The following SYCP3 variants were observed in gnomAD, a reference collection of about 807,000 sequenced individuals.
SYCP3 encodes the protein synaptonemal complex protein 3.
SYCP3 carries 29 observed loss-of-function variants against 38.5 expected under a neutral mutation model. The ratio of observed to expected loss-of-function variants is 0.75; its 90% confidence interval spans 0.56 to 1.03. The LOEUF is 1.03. SYCP3 is among the 50% of genes least tolerant of loss of function. The pLI, the probability that SYCP3 is intolerant of heterozygous loss-of-function variation, is 0.00. For missense variants in SYCP3, 242 were observed against 270.7 expected, an observed-to-expected ratio of 0.89 and a Z score of 0.74; for synonymous variants, 79 against 80.3, an observed-to-expected ratio of 0.98 and a Z score of 0.08.
At chr12:101,732,635 G>C (rs1952232900) in intron 6 of SYCP3, 1 of 150,900 alleles carries the variant, frequency 6.6e-6, no homozygotes, top group Admixed American at 6.6e-5. Context: ...TGTAACACTG[G>C]ATTATTTTTC....
At chr12:101,733,042 T>C (rs1952252593) in intron 6 of SYCP3, 1 of 155,376 alleles carries the variant, frequency 6.4e-6, no homozygotes, top group Non-Finnish European at 1.4e-5. Context: ...GAGGGCTAAC[T>C]ATACAATGAT....
chr12:101,729,414 A>G, intron 7 of SYCP3: 1 of 564,924 alleles, frequency 1.8e-6, no homozygotes. Flanking sequence ...AAAATGTTAT[A>G]GGAAGTACAA....
chr12:101,737,735 G>T, intron 2 of SYCP3, 68 bp downstream of exon 2: 1 of 1,605,268 alleles, frequency 6.2e-7, no homozygotes, highest in South Asian at 1.1e-5. Flanking sequence ...TAAGTTGTAC[G>T]ATAGTCTCAA....
Position 101,739,400 on chromosome 12 carries a change from G to C in SYCP3, c.-67C>G, listed in dbSNP as rs1219287680. ...GACCAGTTACTGGTCGTCGACAGGCGTCCTCCACAACTCCTCCACAAGCGC... is the reference window on the plus strand; with the variant it reads ...GACCAGTTACTGGTCGTCGACAGGCCTCCTCCACAACTCCTCCACAAGCGC... On this transcript the variant is annotated 5_prime_UTR_variant, in exon 1 of 9. Transcript: ENST00000392924. 19 of 1,002,702 alleles carry C rather than the reference G, an allele frequency of 1.9e-5. No individual in the cohort carries two copies. The South Asian group carries it at 5.6e-4, about 30-fold the overall frequency. 62.1% of individuals were successfully genotyped at this position (1,002,702 alleles called of 1,614,324 possible).
intron 6 of SYCP3, chr12:101,731,951 G>T: frequency 3.8e-6 from 1 of 262,526 alleles, no homozygotes; most frequent in Non-Finnish European, 7.3e-6. Flanking sequence ...AATAATAATG[G>T]TTTTCCGTTT....
At chr12:101,737,380 A>C in intron 2 of SYCP3, 82 bp from the exon 3 acceptor site, 1 of 1,322,266 alleles carries the variant, frequency 7.6e-7, no homozygotes, top group Non-Finnish European at 1.1e-6. Context: ...AAACATCTTC[A>C]TTTGGGGATT....
chr12:101,728,918 A>G lies in SYCP3; in HGVS notation c.*9T>C. Reference sequence around the variant, plus strand: ...TTACTTAGGTTCAAGTTCTTTCTTCAAAGAGTCATCAGAATAACATGGATT... The same window carrying G: ...TTACTTAGGTTCAAGTTCTTTCTTCGAAGAGTCATCAGAATAACATGGATT... On this transcript the variant is annotated 3_prime_UTR_variant, in exon 9 of 9. Coordinates refer to ENST00000392924, the MANE Select transcript of SYCP3 (RefSeq NM_001177949.2). 1 of 1,613,482 alleles carries G rather than the reference A, an allele frequency of 6.2e-7. No individual in the cohort carries two copies. The highest frequency in any genetic ancestry group is 8.5e-7 in the Non-Finnish European group (1 of 1,179,650).
In SYCP3 at chr12:101,739,323, G is replaced by A. The variant is rs976990058; in HGVS notation, c.-18+28C>T. On this transcript the variant is annotated intron_variant, in intron 1 of 8. Transcript: ENST00000392924. The stretch of plus-strand genomic sequence containing the variant: ...GGCAGCCTCTGGCCTGGACACCTGC[G>A]ATAGACAGACGCCTCCCCTGCTCAC... 5 of 1,002,654 alleles carry A rather than the reference G, an allele frequency of 5.0e-6. No individual in the cohort carries two copies. The African/African-American group carries it at 8.7e-5, about 17-fold the overall frequency. The allele number at this position is 1,002,654 out of a possible 1,614,324, so 62.1% of individuals were successfully genotyped here.
intron 5 of SYCP3, among the ~76,000 whole-genome samples, chr12:101,734,186 G>C (rs1201138596): frequency 6.6e-6 from 1 of 152,120 alleles, no homozygotes; most frequent in Non-Finnish European, 1.5e-5. Context: ...CTACATTGTT[G>C]AACATAATTC....
At chr12:101,729,526 C>A (rs781508380) in intron 7 of SYCP3, 1 of 253,244 alleles carries the variant, frequency 3.9e-6, no homozygotes, top group Non-Finnish European at 7.5e-6. Context: ...TTAAGCTTTC[C>A]AAATATCAAG....
intron 6 of SYCP3, 133 bp from the exon 7 acceptor site, chr12:101,731,799 T>C (rs541812883): frequency 4.1e-5 from 25 of 611,182 alleles, no homozygotes; most frequent in Admixed American, 2.5e-4. Context: ...ACAACTATTA[T>C]GACCACATTT....
intron 2 of SYCP3, chr12:101,737,508 C>G: frequency 1.5e-6 from 1 of 653,154 alleles, no homozygotes; most frequent in South Asian, 2.0e-5. Flanking sequence ...TTTTTCAAGT[C>G]TCCCTGGGTT....
intron 7 of SYCP3, chr12:101,730,427 C>A (rs1952134976): frequency 2.5e-6 from 1 of 407,306 alleles, no homozygotes; most frequent in Non-Finnish European, 4.7e-6. Context: ...GTTCTCAGAG[C>A]ATTGGAACAA....
Position 101,728,996 on chromosome 12 carries a change from A to C in SYCP3, c.658-16T>G. 1 of 1,613,506 alleles carries C rather than the reference A, an allele frequency of 6.2e-7. No homozygotes were observed. The stretch of plus-strand genomic sequence containing the variant: ...CTTGCTGCTGCTGTTTCATGGAAGG[A>C]GATATTAAACATTTGTTTAATTTTT... On this transcript the variant is annotated splice_polypyrimidine_tract_variant and intron_variant, in intron 8 of 8. Coordinates refer to ENST00000392924, the MANE Select transcript of SYCP3 (RefSeq NM_001177949.2).
intron 6 of SYCP3, chr12:101,732,409 A>G (rs1952224807): frequency 1.3e-5 from 2 of 152,194 alleles, no homozygotes; most frequent in Admixed American, 1.3e-4. Flanking sequence ...CTGGCCATTA[A>G]AAGTCAACAA....
chr12:101,738,893 C>T (rs1227473459), intron 1 of SYCP3, among the ~76,000 whole-genome samples: 1 of 152,230 alleles, frequency 6.6e-6, no homozygotes, highest in Non-Finnish European at 1.5e-5. Flanking sequence ...CGCTCAGTCA[C>T]GCGGGGAAAT....
At chr12:101,734,862 T>G (rs1952341606) in intron 5 of SYCP3, 65 bp downstream of exon 5, 1 of 1,121,574 alleles carries the variant, frequency 8.9e-7, no homozygotes, top group Admixed American at 1.7e-5. Flanking sequence ...ATAGTATTTT[T>G]CATAAGTAAT....
At chr12:101,735,871 A>ATATATATATATATATTTTTTTTTTTT in intron 4 of SYCP3, among the ~76,000 whole-genome samples, 29 of 74,692 alleles carry the variant, frequency 3.9e-4, no homozygotes, top group South Asian at 2.1e-3. Context: ...ATATATATAT[A>ATATATATATATATATTTTTTTTTTTT]TTTTTTTTTT....
intron 5 of SYCP3, among the ~76,000 whole-genome samples, chr12:101,734,147 A>C (rs1049751918): frequency 1.3e-5 from 2 of 152,234 alleles, no homozygotes; most frequent in African/African-American, 4.8e-5. Flanking sequence ...AAACATACAA[A>C]TTATATACGA....
Sources: allele counts gnomAD v4.1 joint callset (sites outside exome capture counted in the v4.1 genomes callset), GRCh38; gene constraint gnomAD v4.1.1; transcripts MANE v1.5; gene names NCBI Gene and HGNC (gene_info 2026-07-23, HGNC 2026-07-21).